The following SCAI variants were observed in gnomAD, a reference collection of about 807,000 sequenced individuals.
SCAI encodes the protein protein SCAI.
SCAI carries 24 observed loss-of-function variants against 92.2 expected under a neutral mutation model. The ratio of observed to expected loss-of-function variants is 0.26; its 90% confidence interval spans 0.19 to 0.37. The LOEUF (loss-of-function observed/expected upper bound fraction) is 0.37, where lower values mean the gene tolerates loss of function less well. Ranked by LOEUF, SCAI falls within the 10% of genes least tolerant of loss-of-function variation. The pLI, the probability that SCAI is intolerant of heterozygous loss-of-function variation, is 1.00. For synonymous variants in SCAI, 261 were observed against 258.6 expected, an observed-to-expected ratio of 1.01 and a Z score of -0.09; for missense variants, 450 against 736.2, an observed-to-expected ratio of 0.61 and a Z score of 4.50.
intron 13 of SCAI, 132 bp from the exon 14 acceptor site, chr9:124,995,147 G>A (rs1449958364): frequency 2.9e-5 from 17 of 591,270 alleles, no homozygotes; most frequent in Non-Finnish European, 4.7e-5. Context: ...GTTAAGCAAA[G>A]GGGAAAAAAA....
At chr9:125,058,862 T>C (rs568707756) in intron 2 of SCAI, among the ~76,000 whole-genome samples, 10 of 152,236 alleles carry the variant, frequency 6.6e-5, no homozygotes, top group African/African-American at 2.4e-4. Flanking sequence ...CTAAAGAATG[T>C]CAAAAAGACA....
At chr9:124,990,420 C>A (rs1167979886) in intron 14 of SCAI, among the ~76,000 whole-genome samples, 4 of 152,192 alleles carry the variant, frequency 2.6e-5, no homozygotes, top group East Asian at 3.9e-4. Flanking sequence ...ACCCAGGAGG[C>A]GGAAGTTGCA....
chr9:124,995,395 T>C (rs1832219154), intron 13 of SCAI, among the ~76,000 whole-genome samples: 1 of 152,176 alleles, frequency 6.6e-6, no homozygotes, highest in South Asian at 2.1e-4. Context: ...TGTATTTCAA[T>C]GAGTCTTCAA....
At chr9:124,973,652 T>C (rs1831701522) in intron 15 of SCAI, among the ~76,000 whole-genome samples, 1 of 151,746 alleles carries the variant, frequency 6.6e-6, no homozygotes, top group Non-Finnish European at 1.5e-5. Context: ...CCAACATTTT[T>C]AGTCTCTCAT....
intron 14 of SCAI, among the ~76,000 whole-genome samples, chr9:124,989,641 T>C (rs1029955381): frequency 2.0e-5 from 3 of 151,316 alleles, no homozygotes; most frequent in African/African-American, 7.3e-5. Context: ...TCCAGCACTT[T>C]GGAAGGCCAA....
At chr9:125,078,393 T>C (rs1275460660) in intron 2 of SCAI, among the ~76,000 whole-genome samples, 1 of 151,914 alleles carries the variant, frequency 6.6e-6, no homozygotes. Context: ...CCAGGCATGG[T>C]GGCACATGCC....
At chr9:125,084,860 A>T (rs1588208313) in intron 2 of SCAI, among the ~76,000 whole-genome samples, 1 of 152,216 alleles carries the variant, frequency 6.6e-6, no homozygotes. Flanking sequence ...AAAATTTTTT[A>T]AAAATCTAAT....
chr9:125,057,987 TACTC>T (rs1443947710), intron 2 of SCAI, among the ~76,000 whole-genome samples: 2 of 151,900 alleles, frequency 1.3e-5, no homozygotes, highest in African/African-American at 4.8e-5. Context: ...CTACCTCAGA[TACTC>T]AGGAGGCTGA....
chr9:125,123,746 G>T (rs1835206893), intron 2 of SCAI, among the ~76,000 whole-genome samples: 1 of 152,178 alleles, frequency 6.6e-6, no homozygotes, highest in East Asian at 1.9e-4. Flanking sequence ...CTGCACTCCA[G>T]CCTGGGCGAG....
At chr9:125,044,741 C>T (rs1833400614) in intron 3 of SCAI, among the ~76,000 whole-genome samples, 1 of 152,214 alleles carries the variant, frequency 6.6e-6, no homozygotes, top group Non-Finnish European at 1.5e-5. Flanking sequence ...AGAGCTGAGG[C>T]CCTTTGGGAG....
intron 2 of SCAI, among the ~76,000 whole-genome samples, chr9:125,128,900 TA>T (rs1835338519): frequency 6.6e-6 from 1 of 151,030 alleles, no homozygotes; most frequent in African/African-American, 2.4e-5. Context: ...CCATCCTTAC[TA>T]AAAATATAAA....
At chr9:125,046,196 G>GAT (rs71374222) in intron 3 of SCAI, among the ~76,000 whole-genome samples, 5,352 of 51,814 alleles carry the variant, frequency 0.1, 362 homozygotes, top group Middle Eastern at 0.17. Context: ...GAAATTGTGA[G>GAT]ATATATATAT....
chr9:125,136,379 A>G (rs1835527931), intron 2 of SCAI, among the ~76,000 whole-genome samples: 1 of 151,482 alleles, frequency 6.6e-6, no homozygotes, highest in African/African-American at 2.4e-5. Flanking sequence ...TTCATCTTGA[A>G]GTGTTTACCA....
In SCAI at chr9:124,971,699, G is replaced by A; in HGVS notation, c.1545C>T (p.Ala515=). 6.2e-7 allele frequency: 1 copy of A among 1,609,470 alleles called. No homozygotes were observed. Among genetic ancestry groups the A allele is most frequent in the Non-Finnish European group, 8.5e-7 (1 of 1,178,544 alleles). The change falls in exon 16 of 18, where the codon GCC becomes GCT. Residue 515 remains alanine (A), a synonymous_variant. Transcript: ENST00000336505. ...TTGAACGTGAATGAGTCAGTAGCTG[G>A]GCAATATCACGGTTGATTTTTCGAA... The part of the protein sequence containing the change: ...EYLRKINRDI[A]QLLTHSRSID...
Position 125,088,926 on chromosome 9 carries a change from G to A in SCAI, c.99-32919C>T, listed in dbSNP as rs115236886. On this transcript the variant is annotated intron_variant, in intron 2 of 17. Transcript: ENST00000336505. ...TGTAGAGTGTTTAGCGGCATCCCTC[G>A]CCTCTACGCACTAGATGCCAGTTGC... Among the ~76,000 whole-genome samples, 144 of 152,050 alleles carry A rather than the reference G, an allele frequency of 9.5e-4. 1 individual carries two copies. The highest frequency in any genetic ancestry group is 3.2e-3 in the African/African-American group (134 of 41,452).
intron 2 of SCAI, among the ~76,000 whole-genome samples, chr9:125,078,939 C>A (rs1834151767): frequency 6.6e-6 from 1 of 152,078 alleles, no homozygotes; most frequent in Non-Finnish European, 1.5e-5. Context: ...AAAAAACTTT[C>A]AATTCTTCTG....
At chr9:125,100,171 T>C (rs1834649559) in intron 2 of SCAI, among the ~76,000 whole-genome samples, 1 of 152,260 alleles carries the variant, frequency 6.6e-6, no homozygotes, top group South Asian at 2.1e-4. Context: ...CTATGAGAAG[T>C]AGCTCTTGTC....
intron 2 of SCAI, among the ~76,000 whole-genome samples, chr9:125,084,466 G>A (rs1011526083): frequency 7.2e-5 from 11 of 151,934 alleles, no homozygotes; most frequent in African/African-American, 1.9e-4. Context: ...CACCGCGCCC[G>A]GCCGGCTGCT....
intron 2 of SCAI, among the ~76,000 whole-genome samples, chr9:125,109,627 G>GC (rs1206741073): frequency 6.6e-6 from 1 of 151,840 alleles, no homozygotes; most frequent in Non-Finnish European, 1.5e-5. Flanking sequence ...AACTACTGAA[G>GC]CAACTACTTA....
Sources: allele counts gnomAD v4.1 joint callset (sites outside exome capture counted in the v4.1 genomes callset), GRCh38; gene constraint gnomAD v4.1.1; transcripts MANE v1.5; gene names NCBI Gene and HGNC (gene_info 2026-07-23, HGNC 2026-07-21).